Variants in ADAMTS2 observed in about 807,000 individuals in gnomAD.
ADAMTS2 encodes ADAM metallopeptidase with thrombospondin type 1 motif 2, also known as A disintegrin and metalloproteinase with thrombospondin motifs 2.
Under a neutral mutation model 123.0 loss-of-function variants are expected in ADAMTS2, and 50 were observed. The ratio of observed to expected loss-of-function variants is 0.41; its 90% CI spans 0.32 to 0.51. The LOEUF (loss-of-function observed/expected upper bound fraction) is 0.51. ADAMTS2 is among the 20% of genes least tolerant of loss of function. The probability of loss-of-function intolerance (pLI) is 0.35; values close to 1 mark genes in which losing one functional copy is unlikely to be tolerated. For missense variants in ADAMTS2, 1,494 were observed against 1,705.2 expected, an observed-to-expected ratio of 0.88 and a Z score of 2.18; for synonymous variants, 678 against 695.4, an observed-to-expected ratio of 0.98 and a Z score of 0.39.
At chr5:179,152,112 G>A (rs1201957973) in intron 10 of ADAMTS2, 30 bp downstream of exon 10, 2 of 1,590,842 alleles carry the variant, frequency 1.3e-6, no homozygotes, top group East Asian at 2.2e-5. Context: ...CTGCCCTGCT[G>A]CCCTCCAAGA....
intron 4 of ADAMTS2, among the ~76,000 whole-genome samples, chr5:179,199,736 G>A (rs1362707128): frequency 1.3e-5 from 2 of 152,170 alleles, no homozygotes; most frequent in Non-Finnish European, 2.9e-5. Flanking sequence ...GAGTCTGGCT[G>A]TGCCTGTCAT....
At chr5:179,338,911 C>T (rs961083969) in intron 2 of ADAMTS2, among the ~76,000 whole-genome samples, 3 of 151,528 alleles carry the variant, frequency 2.0e-5, no homozygotes, top group Non-Finnish European at 2.9e-5. Flanking sequence ...TAGGGGAGGG[C>T]GATCCTGGAA....
At chr5:179,250,912 C>T (rs1285128617) in intron 3 of ADAMTS2, among the ~76,000 whole-genome samples, 1 of 152,238 alleles carries the variant, frequency 6.6e-6, no homozygotes, top group Non-Finnish European at 1.5e-5. Context: ...ATTGCTTCCG[C>T]CAGTGGAGCC....
chr5:179,276,813 G>T (rs1016894991), intron 2 of ADAMTS2, among the ~76,000 whole-genome samples: 3 of 152,298 alleles, frequency 2.0e-5, no homozygotes, highest in African/African-American at 7.2e-5. Flanking sequence ...CCATCTTCTG[G>T]GGGAACTTGC....
chr5:179,249,524 G>A (rs1232567704), intron 3 of ADAMTS2, among the ~76,000 whole-genome samples: 1 of 152,122 alleles, frequency 6.6e-6, no homozygotes, highest in Non-Finnish European at 1.5e-5. Context: ...AAGATAAAAA[G>A]AGAGAAGGCT....
rs1757026563 is a variant in ADAMTS2, at chr5:179,317,286, T to A, written c.534+26481A>T. Reference sequence around the variant, plus strand: ...GCGTAGGTCTGGCTACAGCTATCCTTGTCCCTGAAGATGGACTCAGCTAGC... The same window carrying A: ...GCGTAGGTCTGGCTACAGCTATCCTAGTCCCTGAAGATGGACTCAGCTAGC... On this transcript the variant is annotated intron_variant, in intron 2 of 21. Coordinates refer to ENST00000251582, the MANE Select transcript of ADAMTS2 (RefSeq NM_014244.5). The surrounding 1 kb of genome is among the most constrained non-coding windows in gnomAD (Gnocchi z 4.9). 6.6e-6 allele frequency among the ~76,000 whole-genome samples: 1 copy of A among 152,218 alleles called. No homozygotes were observed. Among genetic ancestry groups the A allele is most frequent in the Non-Finnish European group, 1.5e-5 (1 of 68,038 alleles).
chr5:179,291,730 ATATTTATTTATT>A (rs112260790), intron 2 of ADAMTS2, among the ~76,000 whole-genome samples: 2 of 151,424 alleles, frequency 1.3e-5, no homozygotes, highest in African/African-American at 4.9e-5. Flanking sequence ...GGTCCAAACG[ATATTTATTTATT>A]TATTTATTTA....
chr5:179,129,935 A>T lies in ADAMTS2; in HGVS notation c.2454T>A (p.Val818=). Residue 818 remains valine (V), a synonymous_variant, in exon 16 of 22, where the codon GTT becomes GTA. Coordinates refer to ENST00000251582, the MANE Select transcript of ADAMTS2 (RefSeq NM_014244.5). The surrounding 1 kb of genome is among the most constrained non-coding windows in gnomAD (Gnocchi z 4.1). ...GCCCAGCCCTGCTTGGACTCACCAG[A>T]ACGGTGATGGTGCCGTGGAGGGGGC... The part of the protein sequence containing the change: ...TMGPLHGTIT[V]LVIPVGDTRV... The T allele has an allele frequency of 6.2e-7, 1 of 1,613,744 alleles. No individual in the cohort carries two copies. Among genetic ancestry groups the T allele is most frequent in the Non-Finnish European group, 8.5e-7 (1 of 1,179,984 alleles).
Position 179,128,469 on chromosome 5 carries a change from T to C in ADAMTS2, c.2458-351A>G, listed in dbSNP as rs982470968. Among the ~76,000 whole-genome samples the C allele has an allele frequency of 6.6e-6, 1 of 152,208 alleles. No homozygotes were observed. Among genetic ancestry groups the C allele is most frequent in the Non-Finnish European group, 1.5e-5 (1 of 68,028 alleles). On this transcript the variant is annotated intron_variant, in intron 16 of 21. Coordinates refer to ENST00000251582, the MANE Select transcript of ADAMTS2 (RefSeq NM_014244.5). The surrounding 1 kb of genome is among the most constrained non-coding windows in gnomAD (Gnocchi z 4.9). ...GTGTAGTGGCACGATCTCGGCTCACTGCAACCTCCGCCTCCCAGGTTCAAG... is the reference window on the plus strand; with the variant it reads ...GTGTAGTGGCACGATCTCGGCTCACCGCAACCTCCGCCTCCCAGGTTCAAG...
At position 179,114,078 on chromosome 5, in the gene ADAMTS2, A is replaced by T. The variant is rs780794316; in HGVS notation, c.3425T>A (p.Val1142Asp). Reference sequence around the variant, plus strand: ...ATTGGTGCTGGAGGCATTGAGAGGGACCTCCAGGGGGGTGCTTGGTGATGG... The same window carrying T: ...ATTGGTGCTGGAGGCATTGAGAGGGTCCTCCAGGGGGGTGCTTGGTGATGG... ...VRPSPSTPLE[V>D]PLNASSTNAT... The change falls in exon 22 of 22, where the codon GTC becomes GAC. Residue 1142 changes from valine to aspartate, a missense_variant. Val to Asp is a radical substitution (Grantham distance 152, BLOSUM62 -3). Coordinates refer to ENST00000251582, the MANE Select transcript of ADAMTS2 (RefSeq NM_014244.5). The T allele has an allele frequency of 2.5e-6, 4 of 1,613,672 alleles. No homozygotes were observed. In the South Asian group the frequency reaches 4.4e-5, roughly 18 times the overall value.
chr5:179,120,968 A>G (rs959296960), intron 21 of ADAMTS2: 1 of 152,190 alleles, frequency 6.6e-6, no homozygotes, highest in Non-Finnish European at 1.5e-5. Context: ...AATTGAGGTA[A>G]TTCTGTAGTG....
At chr5:179,124,427 C>T (rs1210937806) in intron 19 of ADAMTS2, among the ~76,000 whole-genome samples, 1 of 152,156 alleles carries the variant, frequency 6.6e-6, no homozygotes, top group Non-Finnish European at 1.5e-5. Flanking sequence ...GAGTTTGTCC[C>T]CTCCCACCTC....
intron 3 of ADAMTS2, among the ~76,000 whole-genome samples, chr5:179,230,983 C>T (rs1765399662): frequency 6.6e-6 from 1 of 151,886 alleles, no homozygotes; most frequent in Non-Finnish European, 1.5e-5. Flanking sequence ...TGCACTCCAG[C>T]CTGGGCAACA....
chr5:179,232,648 G>T (rs550602697), intron 3 of ADAMTS2, among the ~76,000 whole-genome samples: 7 of 152,310 alleles, frequency 4.6e-5, no homozygotes, highest in East Asian at 3.9e-4. Context: ...GGGTGACAAT[G>T]GCTGCAGGTC....
At chr5:179,270,415 G>T (rs1009587677) in intron 3 of ADAMTS2, among the ~76,000 whole-genome samples, 1 of 152,302 alleles carries the variant, frequency 6.6e-6, no homozygotes, top group African/African-American at 2.4e-5. Flanking sequence ...TTTTGGGGAG[G>T]CAGGAAGAAA....
At chr5:179,273,833 G>A (rs779166292) in intron 2 of ADAMTS2, among the ~76,000 whole-genome samples, 20 of 151,944 alleles carry the variant, frequency 1.3e-4, no homozygotes, top group Non-Finnish European at 2.5e-4. Context: ...CCTCATTTCC[G>A]TTGGGACTCA....
intron 2 of ADAMTS2, among the ~76,000 whole-genome samples, chr5:179,301,494 T>C (rs1756515679): frequency 1.3e-5 from 2 of 152,198 alleles, no homozygotes; most frequent in African/African-American, 4.8e-5. Flanking sequence ...AGACAGCTAA[T>C]GAGTGGTGGA....
rs578208140 is a variant in ADAMTS2 at position 179,337,043 on chromosome 5, C to T, written c.534+6724G>A. Among the ~76,000 whole-genome samples, 16 of 152,302 alleles carry T rather than the reference C, an allele frequency of 1.1e-4. No individual in the cohort carries two copies. The South Asian group carries it at 2.1e-3, about 20-fold the overall frequency. ...TGTAATTGAAATTCATGGACAAGCC[C>T]GAGGAGCCAGCTCCGGGCTCGGTAA... On this transcript the variant is annotated intron_variant, in intron 2 of 21. Coordinates refer to ENST00000251582, the MANE Select transcript of ADAMTS2 (RefSeq NM_014244.5).
chr5:179,147,230 AG>A (rs1221799073), intron 10 of ADAMTS2, among the ~76,000 whole-genome samples: 45 of 152,206 alleles, frequency 3.0e-4, no homozygotes, highest in African/African-American at 1.1e-3. Flanking sequence ...CTAGGACTAT[AG>A]GCATGCGCCA....
Sources: gnomAD v4.1 joint callset for allele counts (sites outside exome capture counted in the v4.1 genomes callset) on GRCh38, gnomAD v4.1.1 for gene constraint, Gnocchi (gnomAD v3.1) non-coding constraint, MANE v1.5 for transcripts, NCBI Gene and HGNC (gene_info 2026-07-23, HGNC 2026-07-21) for gene names.